The following SCN8A variants were observed in gnomAD, a reference collection of about 807,000 sequenced individuals.
SCN8A encodes the protein sodium voltage-gated channel alpha subunit 8, also known as sodium channel protein type 8 subunit alpha.
In SCN8A, 30 loss-of-function variants were observed where a neutral mutation model predicts 184.1. The observed-to-expected ratio is 0.16, with a 90% CI of 0.12 to 0.22. The LOEUF is 0.22. Among genes scored for constraint, SCN8A ranks in the 10% least tolerant of loss-of-function variants. The pLI, the probability that SCN8A is intolerant of heterozygous loss-of-function variation, is 1.00. For synonymous variants in SCN8A, 852 were observed against 907.0 expected (o/e 0.94, Z 1.09); for missense variants, 1,057 against 2,498.9 (o/e 0.42, Z 12.30).
intron 12 of SCN8A, among the ~76,000 whole-genome samples, chr12:51,734,993 G>A (rs980998120): frequency 2.4e-4 from 37 of 152,230 alleles, no homozygotes; most frequent in African/African-American, 8.9e-4. Context: ...CTTTAATTTT[G>A]CAATATCCAA....
At chr12:51,712,812 AC>A (rs1261052687) in intron 11 of SCN8A, 28 of 1,176,434 alleles carry the variant, frequency 2.4e-5, no homozygotes, top group South Asian at 3.6e-5. Flanking sequence ...CATTATATCC[AC>A]CATCACCTCC....
intron 2 of SCN8A, among the ~76,000 whole-genome samples, chr12:51,670,936 G>GT (rs1245082807): frequency 1.3e-5 from 2 of 152,068 alleles, no homozygotes; most frequent in African/African-American, 4.8e-5. Context: ...TTGGAACTTA[G>GT]TTTTTTTGTT....
intron 1 of SCN8A, among the ~76,000 whole-genome samples, chr12:51,640,212 GTTTTTTTTTTT>G (rs57362371): frequency 6.5e-3 from 226 of 34,710 alleles, no homozygotes; most frequent in African/African-American, 0.024. Context: ...TGCCTGGCCT[GTTTTTTTTTTT>G]TTTTTTTTTT....
chr12:51,703,183 T>C (rs917122461), intron 9 of SCN8A, among the ~76,000 whole-genome samples: 21 of 152,232 alleles, frequency 1.4e-4, no homozygotes, highest in African/African-American at 4.8e-4. Context: ...TACTTCCTAT[T>C]GTTCATCCTC....
intron 2 of SCN8A, among the ~76,000 whole-genome samples, chr12:51,663,637 CCAGCACTGATTCTTG>C (rs1940969103): frequency 6.6e-6 from 1 of 152,184 alleles, no homozygotes; most frequent in African/African-American, 2.4e-5. Context: ...ATTGATTCTT[CCAGCACTGATTCTTG>C]CAGTAGAGTC....
At chr12:51,727,350 C>T (rs1191449996) in intron 12 of SCN8A, among the ~76,000 whole-genome samples, 1 of 151,764 alleles carries the variant, frequency 6.6e-6, no homozygotes, top group Admixed American at 6.6e-5. Flanking sequence ...AATGTTAATT[C>T]TCCTCCCCAC....
chr12:51,664,312 A>G (rs1940987555), intron 2 of SCN8A, among the ~76,000 whole-genome samples: 1 of 151,468 alleles, frequency 6.6e-6, no homozygotes, highest in African/African-American at 2.4e-5. Context: ...GGTTCAAGCG[A>G]TTCTGCTGCC....
chr12:51,804,936 C>G (rs1385463676), intron 26 of SCN8A, among the ~76,000 whole-genome samples: 1 of 133,896 alleles, frequency 7.5e-6, no homozygotes, highest in African/African-American at 2.5e-5. Flanking sequence ...GAAGAAGATA[C>G]TTTGAAAATT....
At chr12:51,800,286 C>T (rs547527058) in intron 26 of SCN8A, among the ~76,000 whole-genome samples, 3 of 152,364 alleles carry the variant, frequency 2.0e-5, no homozygotes, top group African/African-American at 7.2e-5. Context: ...TCTGGTACAG[C>T]AGCTGCAGTT....
chr12:51,744,055 G>A (rs776994402), intron 12 of SCN8A, among the ~76,000 whole-genome samples: 1 of 152,064 alleles, frequency 6.6e-6, no homozygotes, highest in Non-Finnish European at 1.5e-5. Flanking sequence ...TAATCCCAGC[G>A]TTTTGGAAGG....
chr12:51,752,457 C>T (rs1286569920), intron 14 of SCN8A, among the ~76,000 whole-genome samples: 6 of 151,968 alleles, frequency 3.9e-5, no homozygotes, highest in Admixed American at 2.6e-4. Flanking sequence ...CAGTTTTGAC[C>T]TTAAGTCCTA....
At chr12:51,592,202 C>T (rs901205460) in intron 1 of SCN8A, among the ~76,000 whole-genome samples, 2 of 151,748 alleles carry the variant, frequency 1.3e-5, no homozygotes, top group African/African-American at 2.4e-5. Flanking sequence ...CTTGGACCCT[C>T]CTCTCTAGTT....
At chr12:51,803,346 C>A (rs1384240850) in intron 26 of SCN8A, among the ~76,000 whole-genome samples, 1 of 151,902 alleles carries the variant, frequency 6.6e-6, no homozygotes, top group African/African-American at 2.4e-5. Context: ...TTTTTCTAGC[C>A]GAGTTGGCAG....
At position 51,788,755 on chromosome 12, in the gene SCN8A, A is replaced by G; in HGVS notation, c.4281+7A>G. The G allele has an allele frequency of 1.2e-6, 2 of 1,608,302 alleles. No individual in the cohort carries two copies. Among genetic ancestry groups the G allele is most frequent in the Non-Finnish European group, 1.7e-6 (2 of 1,176,882 alleles). On this transcript the variant is annotated splice_region_variant and intron_variant, in intron 23 of 26. Coordinates refer to ENST00000627620, the MANE Select transcript of SCN8A (RefSeq NM_001330260.2). ...AGCTGTAGATTCCCGGAAGGTAAGG[A>G]TGTACATGGCGAAAATACCACCTTC...
In SCN8A at chr12:51,629,354, T is replaced by C. The variant is rs80343922; in HGVS notation, c.-54-33410T>C. ...AATTCTTCCTTGTGGGGCTGTTCTG[T>C]GCATTGTAAGATGTTTAGTAGCATC... On this transcript the variant is annotated intron_variant, in intron 1 of 26. Transcript: ENST00000627620. 3.1e-3 allele frequency among the ~76,000 whole-genome samples: 479 copies of C among 152,276 alleles called. 4 individuals are homozygous for C. The highest frequency in any genetic ancestry group is 0.011 in the African/African-American group (454 of 41,562).
intron 1 of SCN8A, among the ~76,000 whole-genome samples, chr12:51,606,363 G>A (rs1304880710): frequency 1.3e-5 from 2 of 152,196 alleles, no homozygotes; most frequent in East Asian, 1.9e-4. Flanking sequence ...CCCCGCTTAC[G>A]TTTTTGTTTC....
chr12:51,736,244 A>G (rs1321145243), intron 12 of SCN8A, among the ~76,000 whole-genome samples: 3 of 152,220 alleles, frequency 2.0e-5, no homozygotes, highest in African/African-American at 7.2e-5. Context: ...CTGTTTTAAT[A>G]GAAGCCCATC....
At chr12:51,617,241 A>G (rs1388059079) in intron 1 of SCN8A, among the ~76,000 whole-genome samples, 3 of 152,048 alleles carry the variant, frequency 2.0e-5, no homozygotes, top group Admixed American at 1.3e-4. Flanking sequence ...ACAAATGTTA[A>G]GTCTTTTGGT....
intron 19 of SCN8A, among the ~76,000 whole-genome samples, chr12:51,773,640 A>G (rs577667819): frequency 6.6e-6 from 1 of 152,372 alleles, no homozygotes; most frequent in Non-Finnish European, 1.5e-5. Context: ...TGACTCAGCA[A>G]TTCCATTCCT....
Sources: gnomAD v4.1 joint callset for allele counts (sites outside exome capture counted in the v4.1 genomes callset) on GRCh38, gnomAD v4.1.1 for gene constraint, MANE v1.5 for transcripts, NCBI Gene and HGNC (gene_info 2026-07-23, HGNC 2026-07-21) for gene names.